Variants in SLC30A8 observed in about 807,000 individuals in gnomAD.
SLC30A8 encodes proton-coupled zinc antiporter SLC30A8.
In SLC30A8, 27 loss-of-function variants were observed where a neutral mutation model predicts 36.9. That is an observed-to-expected ratio of 0.73 (90% CI 0.54 to 1.01). The LOEUF (loss-of-function observed/expected upper bound fraction) is 1.01, where lower values mean the gene tolerates loss of function less well. Among genes scored for constraint, SLC30A8 ranks in the 50% least tolerant of loss-of-function variants. The pLI, the probability that SLC30A8 is intolerant of heterozygous loss-of-function variation, is 0.00. For missense variants in SLC30A8, 439 were observed against 452.0 expected, an observed-to-expected ratio of 0.97 and a Z score of 0.26; for synonymous variants, 164 against 172.4, an observed-to-expected ratio of 0.95 and a Z score of 0.38.
chr8:117,126,261 T>G (rs1192750025), intron 2 of SLC30A8, among the ~76,000 whole-genome samples: 2 of 152,050 alleles, frequency 1.3e-5, no homozygotes, highest in African/African-American at 2.4e-5. Flanking sequence ...GCTGGTTTTA[T>G]GTATGAAGTA....
intron 1 of SLC30A8, among the ~76,000 whole-genome samples, chr8:117,006,640 G>A (rs1333885785): frequency 6.6e-6 from 1 of 151,934 alleles, no homozygotes; most frequent in African/African-American, 2.4e-5. Context: ...CAGAACGGCT[G>A]GTGCGTCATC....
chr8:117,070,875 G>A (rs1454610229), intron 2 of SLC30A8, among the ~76,000 whole-genome samples: 1 of 152,084 alleles, frequency 6.6e-6, no homozygotes, highest in Non-Finnish European at 1.5e-5. Context: ...TTAGCATGAT[G>A]CCTTCCTTTT....
chr8:117,115,131 G>C (rs1820392242), intron 2 of SLC30A8, among the ~76,000 whole-genome samples: 1 of 151,930 alleles, frequency 6.6e-6, no homozygotes, highest in Middle Eastern at 3.4e-3. Flanking sequence ...GTAGAGACAG[G>C]GTCTCATTCT....
At chr8:117,034,963 A>T in intron 1 of SLC30A8, among the ~76,000 whole-genome samples, 1 of 152,238 alleles carries the variant, frequency 6.6e-6, no homozygotes, top group East Asian at 1.9e-4. Context: ...CTAACATGAG[A>T]ACAGCATGGG....
intron 2 of SLC30A8, among the ~76,000 whole-genome samples, chr8:117,095,462 T>G (rs1402001471): frequency 6.6e-6 from 1 of 152,124 alleles, no homozygotes; most frequent in Non-Finnish European, 1.5e-5. Flanking sequence ...GGTTTTTTTT[T>G]GCATAAAAAT....
intron 6 of SLC30A8, 49 bp from the exon 7 acceptor site, chr8:117,170,985 G>A (rs767924278): frequency 1.3e-6 from 2 of 1,508,016 alleles, no homozygotes; most frequent in Non-Finnish European, 1.8e-6. Context: ...AATTCAATGA[G>A]CTGTATCTAG....
At chr8:117,009,155 A>C (rs1450777925) in intron 1 of SLC30A8, among the ~76,000 whole-genome samples, 2 of 152,186 alleles carry the variant, frequency 1.3e-5, no homozygotes, top group Non-Finnish European at 2.9e-5. Context: ...TACTCAAACT[A>C]AACTGCTGGA....
intron 1 of SLC30A8, among the ~76,000 whole-genome samples, chr8:117,016,555 T>G (rs17744945): frequency 0.12 from 17,889 of 152,252 alleles, 1,189 homozygotes; most frequent in East Asian, 0.18. Flanking sequence ...GCTAGTTTAG[T>G]ATCCACTTTG....
intron 2 of SLC30A8, among the ~76,000 whole-genome samples, chr8:117,110,404 G>C (rs542479970): frequency 6.6e-6 from 1 of 152,296 alleles, no homozygotes; most frequent in East Asian, 1.9e-4. Flanking sequence ...CCAAGGAAAT[G>C]ACGTAAGGTC....
chr8:117,044,466 C>T (rs1404200905), intron 2 of SLC30A8, among the ~76,000 whole-genome samples: 1 of 152,090 alleles, frequency 6.6e-6, no homozygotes, highest in African/African-American at 2.4e-5. Flanking sequence ...AGGACGCGTC[C>T]CAGCAGATGA....
intron 2 of SLC30A8, among the ~76,000 whole-genome samples, chr8:117,121,825 C>G (rs866118244): frequency 6.6e-6 from 1 of 151,654 alleles, no homozygotes; most frequent in South Asian, 2.1e-4. Flanking sequence ...TGATAGTTGC[C>G]GGGGATTGTG....
intron 2 of SLC30A8, among the ~76,000 whole-genome samples, chr8:117,079,788 C>A (rs1818605830): frequency 1.3e-5 from 2 of 152,296 alleles, no homozygotes; most frequent in South Asian, 4.1e-4. Flanking sequence ...AAACAGACAA[C>A]TGGGGCTACG....
intron 2 of SLC30A8, among the ~76,000 whole-genome samples, chr8:117,046,090 G>A (rs1475023279): frequency 6.6e-6 from 1 of 152,042 alleles, no homozygotes. Context: ...ACACTTTCTC[G>A]AGTCATGAAG....
At chr8:116,988,168 A>G (rs1391073303) in intron 1 of SLC30A8, among the ~76,000 whole-genome samples, 1 of 152,180 alleles carries the variant, frequency 6.6e-6, no homozygotes, top group Non-Finnish European at 1.5e-5. Flanking sequence ...AAACTCACCC[A>G]TGCAGAGGGG....
intron 2 of SLC30A8, among the ~76,000 whole-genome samples, chr8:117,054,782 A>G (rs1586449398): frequency 6.6e-6 from 1 of 152,162 alleles, no homozygotes; most frequent in East Asian, 1.9e-4. Flanking sequence ...CCAGAGTCAG[A>G]AAAATCTGTT....
At chr8:116,956,711 G>GAACTT (rs1814218877) in intron 1 of SLC30A8, among the ~76,000 whole-genome samples, 1 of 152,160 alleles carries the variant, frequency 6.6e-6, no homozygotes, top group Non-Finnish European at 1.5e-5. Context: ...TTAAATCAAT[G>GAACTT]AAATGCCAAC....
At chr8:117,127,602 C>T (rs1820958854) in intron 2 of SLC30A8, among the ~76,000 whole-genome samples, 1 of 151,994 alleles carries the variant, frequency 6.6e-6, no homozygotes, top group Admixed American at 6.6e-5. Context: ...TTTAAGTTGT[C>T]TAACTGTTCA....
At chr8:116,997,905 G>A (rs1460784702) in intron 1 of SLC30A8, among the ~76,000 whole-genome samples, 2 of 152,282 alleles carry the variant, frequency 1.3e-5, no homozygotes, top group East Asian at 3.9e-4. Flanking sequence ...GTCTAAAGAT[G>A]AGACAGGCAC....
At chr8:117,090,336 A>G (rs377319122) in intron 2 of SLC30A8, among the ~76,000 whole-genome samples, 4 of 152,238 alleles carry the variant, frequency 2.6e-5, no homozygotes, top group African/African-American at 9.6e-5. Flanking sequence ...TTACTCATTC[A>G]TTTGTGCATT....
Sources: gnomAD v4.1 joint callset for allele counts (sites outside exome capture counted in the v4.1 genomes callset) on GRCh38, gnomAD v4.1.1 for gene constraint, MANE v1.5 for transcripts, NCBI Gene and HGNC (gene_info 2026-07-23, HGNC 2026-07-21) for gene names.